Variants in C12orf42 observed in about 807,000 individuals in gnomAD.
C12orf42 encodes chromosome 12 open reading frame 42.
Under a neutral mutation model 21.6 loss-of-function variants are expected in C12orf42, and 25 were observed. The observed-to-expected ratio is 1.16, with a 90% CI of 0.84 to 1.62. The LOEUF (loss-of-function observed/expected upper bound fraction) is 1.62. Ranked by LOEUF, C12orf42 falls within the 40% of genes most tolerant of loss-of-function variation. The pLI, the probability that C12orf42 is intolerant of heterozygous loss-of-function variation, is 0.00. For synonymous variants in C12orf42, 174 were observed against 175.0 expected (o/e 0.99, Z 0.05); for missense variants, 483 against 459.3 (o/e 1.05, Z -0.47).
chr12:103,079,455 T>C, the C12orf42 span, among the ~76,000 whole-genome samples: 13 of 152,202 alleles, frequency 8.5e-5, no homozygotes, highest in African/African-American at 3.1e-4. Flanking sequence ...AAGCTAAACC[T>C]ACAGTTAATA....
the C12orf42 span, among the ~76,000 whole-genome samples, chr12:103,096,989 G>A: frequency 1.6e-4 from 24 of 152,286 alleles, no homozygotes; most frequent in African/African-American, 5.8e-4. Flanking sequence ...AACAATCACT[G>A]TACATTTTCT....
intron 2 of C12orf42, among the ~76,000 whole-genome samples, chr12:103,460,035 T>C (rs1952583324): frequency 6.6e-6 from 1 of 152,140 alleles, no homozygotes; most frequent in Non-Finnish European, 1.5e-5. Flanking sequence ...AAAAGTTCAG[T>C]CCAAAGTGGC....
At chr12:103,379,071 TAGATATA>T (rs892650511) in intron 3 of C12orf42, among the ~76,000 whole-genome samples, 2 of 152,172 alleles carry the variant, frequency 1.3e-5, no homozygotes, top group African/African-American at 4.8e-5. Flanking sequence ...CGTAGATATA[TAGATATA>T]AATATAGACA....
intron 2 of C12orf42, among the ~76,000 whole-genome samples, chr12:103,432,313 C>G (rs908047631): frequency 1.3e-5 from 2 of 152,188 alleles, no homozygotes; most frequent in African/African-American, 4.8e-5. Context: ...GGAAGACTGC[C>G]TTTCCCTGGC....
At chr12:103,210,219 G>T in the C12orf42 span, among the ~76,000 whole-genome samples, 1 of 152,100 alleles carries the variant, frequency 6.6e-6, no homozygotes, top group Non-Finnish European at 1.5e-5. Flanking sequence ...ATAGATATGA[G>T]ATATTTACAT....
At chr12:103,216,553 T>C in the C12orf42 span, among the ~76,000 whole-genome samples, 1 of 151,740 alleles carries the variant, frequency 6.6e-6, no homozygotes, top group Non-Finnish European at 1.5e-5. Flanking sequence ...TTTTTTTGTA[T>C]TTTTTTAGTA....
chr12:103,474,868 T>C (rs547388640), intron 2 of C12orf42, among the ~76,000 whole-genome samples: 1 of 152,214 alleles, frequency 6.6e-6, no homozygotes, highest in African/African-American at 2.4e-5. Context: ...ATTTTGAAAC[T>C]TCACAAAATT....
At chr12:103,259,902 A>G (rs1309734271) in intron 10 of C12orf42, among the ~76,000 whole-genome samples, 1 of 152,202 alleles carries the variant, frequency 6.6e-6, no homozygotes, top group Non-Finnish European at 1.5e-5. Context: ...AATGTCTGGC[A>G]CATTCCAGTT....
intron 2 of C12orf42, among the ~76,000 whole-genome samples, chr12:103,465,254 G>A (rs1260906748): frequency 5.9e-5 from 9 of 152,078 alleles, no homozygotes; most frequent in Non-Finnish European, 8.8e-5. Context: ...TTTTCCATAC[G>A]TTTGTATCCT....
chr12:103,352,185 C>T (rs574354908), intron 4 of C12orf42, among the ~76,000 whole-genome samples: 2 of 152,250 alleles, frequency 1.3e-5, no homozygotes, highest in Non-Finnish European at 1.5e-5. Flanking sequence ...TTGCCCTGAT[C>T]TGCCTAAGAA....
intron 4 of C12orf42, among the ~76,000 whole-genome samples, chr12:103,338,976 A>C (rs1593500447): frequency 6.6e-6 from 1 of 152,198 alleles, no homozygotes; most frequent in East Asian, 1.9e-4. Flanking sequence ...TAAAAAGTAC[A>C]TTTTTATAAA....
chr12:103,284,103 G>A (rs540527643), intron 4 of C12orf42, among the ~76,000 whole-genome samples: 6 of 152,246 alleles, frequency 3.9e-5, no homozygotes, highest in East Asian at 1.9e-4. Flanking sequence ...CTACACCTGA[G>A]TGTGACACCT....
At chr12:103,463,935 TG>T (rs1469437823) in intron 2 of C12orf42, among the ~76,000 whole-genome samples, 8 of 152,252 alleles carry the variant, frequency 5.3e-5, no homozygotes, top group Non-Finnish European at 1.0e-4. Flanking sequence ...TAGTATTCCA[TG>T]GTGTATATGT....
chr12:103,079,297 GA>G, the C12orf42 span, among the ~76,000 whole-genome samples: 2 of 152,144 alleles, frequency 1.3e-5, no homozygotes, highest in Non-Finnish European at 2.9e-5. Context: ...AAGCTTTGGT[GA>G]AATAAGCTAT....
intron 2 of C12orf42, among the ~76,000 whole-genome samples, chr12:103,473,946 T>C (rs997695544): frequency 6.6e-6 from 1 of 152,156 alleles, no homozygotes; most frequent in Non-Finnish European, 1.5e-5. Context: ...AGTGCAGATG[T>C]TTTGATTTTT....
At chr12:103,443,297 C>T (rs552336342) in intron 2 of C12orf42, among the ~76,000 whole-genome samples, 64 of 152,206 alleles carry the variant, frequency 4.2e-4, no homozygotes, top group Non-Finnish European at 6.3e-4. Context: ...CAACCAGTGG[C>T]CCAGAACTCT....
At chr12:103,411,863 A>G (rs1702529999) in intron 2 of C12orf42, among the ~76,000 whole-genome samples, 1 of 152,118 alleles carries the variant, frequency 6.6e-6, no homozygotes, top group South Asian at 2.1e-4. Context: ...ATGCACACAA[A>G]CACACACACA....
At chr12:103,547,669 C>A in the C12orf42 span, 28 of 151,590 alleles carry the variant, frequency 1.8e-4, no homozygotes, top group African/African-American at 5.4e-4. Flanking sequence ...TCCTTAAGCA[C>A]GAAGTTCTTC....
At chr12:103,374,810 G>A (rs942951539) in intron 3 of C12orf42, among the ~76,000 whole-genome samples, 1 of 152,080 alleles carries the variant, frequency 6.6e-6, no homozygotes, top group Non-Finnish European at 1.5e-5. Context: ...GGTTGCTCTC[G>A]TTCAACCTAG....
Sources: gnomAD v4.1 joint callset for allele counts (sites outside exome capture counted in the v4.1 genomes callset) on GRCh38, gnomAD v4.1.1 for gene constraint, MANE v1.5 for transcripts, NCBI Gene and HGNC (gene_info 2026-07-23, HGNC 2026-07-21) for gene names.